CRAMP1: variants seen among roughly 807,000 people sequenced by gnomAD.
CRAMP1 encodes the protein cramped chromatin regulator 1, also known as protein cramped-like.
In CRAMP1, 50 loss-of-function variants were observed where a neutral mutation model predicts 115.4. The ratio of observed to expected loss-of-function variants is 0.43; its 90% CI spans 0.35 to 0.55. CRAMP1 has a LOEUF of 0.55. Ranked by LOEUF, CRAMP1 falls within the 20% of genes least tolerant of loss-of-function variation. The pLI is 0.01. For missense variants in CRAMP1, 1,679 were observed against 1,721.7 expected (o/e 0.98, Z 0.44); for synonymous variants, 866 against 745.4 (o/e 1.16, Z -2.64).
intron 2 of CRAMP1, among the ~76,000 whole-genome samples, chr16:1,621,674 GC>G (rs753370463): frequency 2.0e-5 from 3 of 152,106 alleles, no homozygotes; most frequent in Non-Finnish European, 4.4e-5. Context: ...TGTGTGTGAG[GC>G]CTGGGACCAG....
rs1343888012 is a variant in CRAMP1 at position 1,614,814 on chromosome 16, C to T, written c.175C>T (p.Pro59Ser). The T allele has an allele frequency of 5.0e-5, 64 of 1,267,330 alleles. No homozygotes were observed. Among genetic ancestry groups the T allele is most frequent in the South Asian group, 6.9e-5 (2 of 28,866 alleles). 78.5% of individuals were successfully genotyped at this position (1,267,330 alleles called of 1,614,324 possible). ...EKTPRAGADG[P>S]PAPPGAPQAP... is the part of the protein sequence containing the mutation. ...GACCCCCCGGGCCGGCGCCGACGGC[C>T]CCCCCGCGCCCCCCGGCGCGCCGCA... The change falls in exon 2 of 21, where the codon CCC becomes TCC. Residue 59 changes from proline to serine, a missense_variant. By Grantham distance (74) the Pro-to-Ser change is moderately conservative. Around this residue, in one of 8 missense-constraint regions of CRAMP1, gnomAD observed 264 missense variants for 229.7 expected, o/e 1.15. Coordinates refer to ENST00000397412, the MANE Select transcript of CRAMP1 (RefSeq NM_020825.4). The surrounding 1 kb of genome is among the most constrained non-coding windows in gnomAD (Gnocchi z 4.4).
At chr16:1,668,656 GT>G (rs2036896309) in intron 18 of CRAMP1, among the ~76,000 whole-genome samples, 1 of 152,206 alleles carries the variant, frequency 6.6e-6, no homozygotes, top group African/African-American at 2.4e-5. Context: ...AGTTCACAGT[GT>G]GCTAGCATGT....
At chr16:1,648,399 A>G (rs2036694610) in intron 6 of CRAMP1, among the ~76,000 whole-genome samples, 2 of 151,088 alleles carry the variant, frequency 1.3e-5, no homozygotes, top group Non-Finnish European at 1.5e-5. Context: ...ATTTGAGGTT[A>G]GGAGTTCCAG....
At chr16:1,619,500 A>G (rs562672113) in intron 2 of CRAMP1, among the ~76,000 whole-genome samples, 3 of 152,328 alleles carry the variant, frequency 2.0e-5, no homozygotes, top group East Asian at 1.9e-4. Context: ...TTTTAACACT[A>G]AAGAACCACG....
chr16:1,650,013 C>T (rs773632604), intron 6 of CRAMP1, among the ~76,000 whole-genome samples: 25 of 152,116 alleles, frequency 1.6e-4, no homozygotes, highest in South Asian at 4.2e-4. Context: ...AGGCTGGTCT[C>T]GAACTCCTGA....
At chr16:1,617,377 C>T (rs2142166997) in intron 2 of CRAMP1, among the ~76,000 whole-genome samples, 1 of 152,322 alleles carries the variant, frequency 6.6e-6, no homozygotes, top group Non-Finnish European at 1.5e-5. Context: ...GTCGTTGCTT[C>T]CATTACCCGT....
At chr16:1,639,925 G>A (rs2036618264) in intron 5 of CRAMP1, among the ~76,000 whole-genome samples, 1 of 152,206 alleles carries the variant, frequency 6.6e-6, no homozygotes, top group Non-Finnish European at 1.5e-5. Flanking sequence ...GCTCAAGTTT[G>A]ATGAAAATAA....
chr16:1,655,178 G>C, intron 8 of CRAMP1, 41 bp from the exon 9 acceptor site: 1 of 1,544,588 alleles, frequency 6.5e-7, no homozygotes, highest in South Asian at 1.1e-5. Context: ...TTTCCTTCCT[G>C]TTCTGCGAAC....
intron 2 of CRAMP1, among the ~76,000 whole-genome samples, chr16:1,616,238 A>G (rs1233471921): frequency 2.0e-5 from 3 of 152,228 alleles, no homozygotes; most frequent in Admixed American, 6.5e-5. Flanking sequence ...ATTGCTAGTT[A>G]CAGGTATGTC....
chr16:1,666,504 C>T lies in CRAMP1; in HGVS notation c.2940C>T (p.Gly980=). ...LPALDTEGLS[G]ISPLSSDEVT... is the part of the protein sequence containing the mutation. ...CCTTGGACACCGAGGGCTTGTCTGG[C>T]ATCTCTCCACTGTCTTCAGACGAGG... Residue 980 remains glycine (G), a synonymous_variant, in exon 16 of 21, where the codon GGC becomes GGT. Transcript: ENST00000397412. The surrounding 1 kb of genome is among the most constrained non-coding windows in gnomAD (Gnocchi z 5.0). The T allele has an allele frequency of 6.2e-7, 1 of 1,613,954 alleles. No individual in the cohort carries two copies. The highest frequency in any genetic ancestry group is 8.5e-7 in the Non-Finnish European group (1 of 1,179,832).
chr16:1,672,480 TG>T lies in CRAMP1; in HGVS notation c.3646-1398del, dbSNP rs1457303574. ...AGCATGAAGGGGGCGGGGGTGGAGC[TG>T]GGTGGCCCTGGGATGAAACGGGTGG... On this transcript the variant is annotated intron_variant, in intron 20 of 20. Transcript: ENST00000397412. The surrounding 1 kb of genome is among the most constrained non-coding windows in gnomAD (Gnocchi z 4.9). Among the ~76,000 whole-genome samples, 1 of 151,706 alleles carries T rather than the reference TG, an allele frequency of 6.6e-6. No homozygotes were observed. Among genetic ancestry groups the T allele is most frequent in the African/African-American group, 2.4e-5 (1 of 41,260 alleles).
intron 6 of CRAMP1, among the ~76,000 whole-genome samples, chr16:1,643,375 T>G (rs978862469): frequency 2.6e-5 from 4 of 152,198 alleles, no homozygotes; most frequent in African/African-American, 9.6e-5. Context: ...ACCCCGTCTC[T>G]GCTAAAAATA....
intron 5 of CRAMP1, among the ~76,000 whole-genome samples, chr16:1,638,135 G>A (rs534369479): frequency 7.9e-5 from 12 of 152,220 alleles, no homozygotes; most frequent in East Asian, 3.9e-4. Flanking sequence ...ACATGCTCGC[G>A]TGCACACATG....
In CRAMP1 at chr16:1,637,861, G is replaced by A. The variant is rs756979557; in HGVS notation, c.732G>A (p.Leu244=). Residue 244 remains leucine, a synonymous_variant, in exon 5 of 21, where the codon CTG becomes CTA. Transcript: ENST00000397412. ...SRGLKKSSQE[L]YGLICYGELR... ...GCCTGAAGAAGTCATCCCAGGAACT[G>A]TATGGCCTGATCTGCTATGGCGAGC... The A allele has an allele frequency of 1.9e-6, 3 of 1,572,084 alleles. No homozygotes were observed. Among genetic ancestry groups the A allele is most frequent in the East Asian group, 4.8e-5 (2 of 41,910 alleles).
rs1304756435 is a variant in CRAMP1, at chr16:1,641,180, C to T, written c.820C>T (p.Gln274Ter). The change falls in exon 6 of 21, where the codon CAG becomes TAG. Residue 274 changes from glutamine (Q) to a stop codon, truncating the protein, a stop_gained. Coordinates refer to ENST00000397412, the MANE Select transcript of CRAMP1 (RefSeq NM_020825.4). LOFTEE classifies it high-confidence loss of function. Reference sequence around the variant, plus strand: ...TGCAACAAAGCTGAATGAACTCATTCAGGTTGGGTAAGTCCCAGTTTCCAT... The same window carrying T: ...TGCAACAAAGCTGAATGAACTCATTTAGGTTGGGTAAGTCCCAGTTTCCAT... ...KNATKLNELI[Q>*]VGATTVRYKG... is the part of the protein sequence containing the mutation. 1 of 1,610,260 alleles carries T rather than the reference C, an allele frequency of 6.2e-7. No homozygotes were observed.
At chr16:1,635,933 C>T (rs981330743) in intron 4 of CRAMP1, among the ~76,000 whole-genome samples, 29 of 152,182 alleles carry the variant, frequency 1.9e-4, no homozygotes, top group African/African-American at 6.3e-4. Flanking sequence ...CTTCACTCAG[C>T]GTCAGGTTTC....
At chr16:1,629,029 A>C (rs2036528054) in intron 3 of CRAMP1, among the ~76,000 whole-genome samples, 1 of 152,180 alleles carries the variant, frequency 6.6e-6, no homozygotes, top group Admixed American at 6.5e-5. Flanking sequence ...CCTTCCTCTG[A>C]ATACCCTTCC....
chr16:1,669,601 A>G lies in CRAMP1; in HGVS notation c.3499+436A>G, dbSNP rs557265705. Among the ~76,000 whole-genome samples the G allele has an allele frequency of 1.3e-4, 20 of 152,248 alleles. No homozygotes were observed. The South Asian group carries it at 4.2e-3, about 32-fold the overall frequency. On this transcript the variant is annotated intron_variant, in intron 19 of 20. Transcript: ENST00000397412. This position sits in a 1 kb window ranked among gnomAD's most constrained non-coding sequence, Gnocchi z 4.6. ...TTCAGAAGTGGATGGTCCAGCTGCC[A>G]CCTGGCACATTCTTGAATATAGATC... is the stretch of plus-strand genomic sequence containing the variant.
intron 6 of CRAMP1, among the ~76,000 whole-genome samples, chr16:1,650,018 T>G (rs1321009583): frequency 6.6e-6 from 1 of 152,136 alleles, no homozygotes; most frequent in Non-Finnish European, 1.5e-5. Context: ...GGTCTCGAAC[T>G]CCTGACCTCA....
Sources: gnomAD v4.1 joint callset for allele counts (sites outside exome capture counted in the v4.1 genomes callset) on GRCh38, gnomAD v4.1.1 for gene constraint, gnomAD v4.1.1 regional missense constraint, Gnocchi (gnomAD v3.1) non-coding constraint, MANE v1.5 for transcripts, NCBI Gene and HGNC (gene_info 2026-07-23, HGNC 2026-07-21) for gene names.